The following SUCO variants were observed in gnomAD, a reference collection of about 807,000 sequenced individuals.
The protein encoded by SUCO is SUN domain-containing ossification factor.
Under a neutral mutation model 148.1 loss-of-function variants are expected in SUCO, and 57 were observed. That is an observed-to-expected ratio of 0.38 (90% CI 0.31 to 0.48). The LOEUF is 0.48. Ranked by LOEUF, SUCO falls within the 20% of genes least tolerant of loss-of-function variation. SUCO has a pLI of 0.96. For missense variants in SUCO, 1,331 were observed against 1,468.2 expected, an observed-to-expected ratio of 0.91 and a Z score of 1.53; for synonymous variants, 470 against 502.7, an observed-to-expected ratio of 0.93 and a Z score of 0.87.
chr1:172,569,203 C>T (rs895124081), intron 7 of SUCO, 61 bp downstream of exon 7: 10 of 1,288,626 alleles, frequency 7.8e-6, no homozygotes, highest in African/African-American at 1.5e-5. Flanking sequence ...GTTTAATATG[C>T]TTTCTTTTTT....
At chr1:172,607,335 G>C (rs186618647) in intron 22 of SUCO, among the ~76,000 whole-genome samples, 1 of 151,876 alleles carries the variant, frequency 6.6e-6, no homozygotes, top group African/African-American at 2.4e-5. Context: ...CTTGTGGTTT[G>C]TTGGGCCACC....
chr1:172,555,562 A>G (rs574919513), intron 3 of SUCO, among the ~76,000 whole-genome samples: 6 of 152,296 alleles, frequency 3.9e-5, no homozygotes, highest in Non-Finnish European at 4.4e-5. Flanking sequence ...TGTTGCTACT[A>G]TCATTCATCA....
intron 10 of SUCO, 79 bp from the exon 11 acceptor site, chr1:172,575,439 A>G (rs576222586): frequency 9.7e-7 from 1 of 1,034,994 alleles, no homozygotes; most frequent in East Asian, 2.6e-5. Flanking sequence ...GAAAAAAATT[A>G]TATTTTGAAA....
At chr1:172,588,380 C>T in intron 17 of SUCO, 2 of 985,206 alleles carry the variant, frequency 2.0e-6, no homozygotes, top group Non-Finnish European at 2.4e-6. Flanking sequence ...GGCTTAATTT[C>T]TGATGTGTAA....
At chr1:172,606,002 A>T (rs1230832451) in intron 22 of SUCO, among the ~76,000 whole-genome samples, 1 of 151,344 alleles carries the variant, frequency 6.6e-6, no homozygotes, top group Admixed American at 6.6e-5. Context: ...TATTCTATAA[A>T]TTTTTTTATA....
At chr1:172,577,416 C>T in intron 11 of SUCO, 123 bp from the exon 12 acceptor site, 1 of 903,484 alleles carries the variant, frequency 1.1e-6, no homozygotes. Context: ...ACAGTGTTAT[C>T]CATCACATGA....
At chr1:172,593,269 T>C (rs911933666) in intron 19 of SUCO, among the ~76,000 whole-genome samples, 9 of 152,156 alleles carry the variant, frequency 5.9e-5, no homozygotes, top group Non-Finnish European at 1.0e-4. Context: ...CCTTTATTTC[T>C]TTCTCCTGCC....
intron 1 of SUCO, 73 bp downstream of exon 1, chr1:172,533,570 C>G: frequency 6.9e-7 from 1 of 1,446,248 alleles, no homozygotes; most frequent in Non-Finnish European, 9.1e-7. Context: ...GTCACACCCC[C>G]TGGTCATTTT....
chr1:172,584,599 CCT>C (rs1390308135), intron 15 of SUCO, among the ~76,000 whole-genome samples: 1 of 151,922 alleles, frequency 6.6e-6, no homozygotes, highest in African/African-American at 2.4e-5. Context: ...ACAGTGAAAC[CCT>C]GTCTCTACTA....
intron 1 of SUCO, among the ~76,000 whole-genome samples, chr1:172,538,343 G>A (rs536436723): frequency 1.3e-5 from 2 of 152,228 alleles, no homozygotes; most frequent in South Asian, 4.1e-4. Flanking sequence ...TTCCTGGTTT[G>A]TGATTACATT....
intron 10 of SUCO, 131 bp downstream of exon 10, chr1:172,574,129 C>A (rs927284198): frequency 3.2e-6 from 2 of 615,842 alleles, no homozygotes; most frequent in Admixed American, 3.1e-5. Context: ...GTAATAACAA[C>A]GATAATACGA....
intron 6 of SUCO, among the ~76,000 whole-genome samples, chr1:172,560,955 CT>C (rs1654105362): frequency 6.6e-6 from 1 of 152,196 alleles, no homozygotes; most frequent in Admixed American, 6.5e-5. Flanking sequence ...TACTTTCCCC[CT>C]ATTCTAATGG....
At chr1:172,553,614 C>T (rs1033778277) in intron 3 of SUCO, among the ~76,000 whole-genome samples, 4 of 152,000 alleles carry the variant, frequency 2.6e-5, no homozygotes, top group Non-Finnish European at 5.9e-5. Context: ...CTCATTTCTT[C>T]CTCGGTTCTA....
At chr1:172,577,696 G>T (rs1312205049) in intron 12 of SUCO, 68 bp from the exon 13 acceptor site, 1 of 1,575,450 alleles carries the variant, frequency 6.3e-7, no homozygotes, top group African/African-American at 1.4e-5. Context: ...TGAAAAAACT[G>T]AGTATATTGT....
upstream of SUCO, chr1:172,533,106 G>T (rs1414217855): frequency 2.1e-6 from 3 of 1,430,042 alleles, no homozygotes; most frequent in African/African-American, 1.5e-5. Flanking sequence ...GCGGCCGTTG[G>T]TCGCTGGCCT....
intron 15 of SUCO, among the ~76,000 whole-genome samples, chr1:172,581,991 T>C (rs1411236844): frequency 6.6e-6 from 1 of 152,214 alleles, no homozygotes; most frequent in Non-Finnish European, 1.5e-5. Context: ...TTCTTTTGTT[T>C]ACATTCTTGA....
chr1:172,532,964 G>A (rs1271383653), upstream of SUCO: 1 of 913,826 alleles, frequency 1.1e-6, no homozygotes, highest in Non-Finnish European at 1.3e-6. Context: ...ACGTCGAAGG[G>A]GGCGTGGCCT....
chr1:172,588,998 A>G lies in SUCO; in HGVS notation c.1897A>G (p.Ile633Val). ...ICCISSFSEY[I>V]YKWCSVRVAL... ...TTGTATTTCTAGTTTTTCAGAATAC[A>G]TATATAAATGGTGTTCAGTTAGAGT... is the stretch of plus-strand genomic sequence containing the variant. Residue 633 changes from isoleucine (I) to valine (V), a missense_variant, in exon 18 of 24, where the codon ATA (isoleucine) becomes GTA (valine). By Grantham distance (29) the Ile-to-Val change is conservative (BLOSUM62 3). Around this residue, in one of 3 missense-constraint regions of SUCO, gnomAD observed 992 missense variants for 1,093.5 expected, o/e 0.91. Transcript: ENST00000263688. The G allele has an allele frequency of 3.1e-6, 5 of 1,612,314 alleles. No individual in the cohort carries two copies. Among genetic ancestry groups the G allele is most frequent in the Non-Finnish European group, 4.2e-6 (5 of 1,179,180 alleles).
At chr1:172,552,325 TATC>T (rs1653362328) in intron 2 of SUCO, among the ~76,000 whole-genome samples, 1 of 152,082 alleles carries the variant, frequency 6.6e-6, no homozygotes, top group Admixed American at 6.5e-5. Flanking sequence ...TCCATGAAAA[TATC>T]ATATAAATAT....
Sources: gnomAD v4.1 joint callset for allele counts (sites outside exome capture counted in the v4.1 genomes callset) on GRCh38, gnomAD v4.1.1 for gene constraint, gnomAD v4.1.1 regional missense constraint, MANE v1.5 for transcripts, NCBI Gene and HGNC (gene_info 2026-07-23, HGNC 2026-07-21) for gene names.